The following CHRM2 variants were observed in gnomAD, a reference collection of about 807,000 sequenced individuals.
CHRM2 encodes the protein cholinergic receptor muscarinic 2, also known as muscarinic acetylcholine receptor M2.
CHRM2 carries 8 observed loss-of-function variants against 25.0 expected under a neutral mutation model. The observed-to-expected ratio is 0.32, with a 90% confidence interval of 0.19 to 0.58. The LOEUF is 0.58. Ranked by LOEUF, CHRM2 falls within the 20% of genes least tolerant of loss-of-function variation. The probability of loss-of-function intolerance (pLI) is 0.88; values close to 1 mark genes in which losing one functional copy is unlikely to be tolerated. For synonymous variants in CHRM2, 202 were observed against 205.7 expected, an observed-to-expected ratio of 0.98 and a Z score of 0.15; for missense variants, 440 against 567.1, an observed-to-expected ratio of 0.78 and a Z score of 2.28.
chr7:136,996,099 T>C (rs1803583959), intron 3 of CHRM2, among the ~76,000 whole-genome samples: 1 of 151,928 alleles, frequency 6.6e-6, no homozygotes, highest in Non-Finnish European at 1.5e-5. Context: ...TAAATGTTTC[T>C]GGAGTGATTT....
intron 2 of CHRM2, among the ~76,000 whole-genome samples, chr7:136,877,716 C>T (rs943191911): frequency 6.6e-6 from 1 of 151,940 alleles, no homozygotes; most frequent in African/African-American, 2.4e-5. Context: ...GGGTATGATA[C>T]CTCCTCTAGG....
In CHRM2 at chr7:136,992,228, C is replaced by G. The variant is rs775345326; in HGVS notation, c.-83C>G. On this transcript the variant is annotated 5_prime_UTR_variant, in exon 3 of 4. Coordinates refer to ENST00000680005, the MANE Select transcript of CHRM2 (RefSeq NM_001006630.2). ...GTACAGGGTCTGGATCTTACCCATTCAAGAGTGTATTCTCAGCACCCAATG... is the reference window on the plus strand; with the variant it reads ...GTACAGGGTCTGGATCTTACCCATTGAAGAGTGTATTCTCAGCACCCAATG... 5.3e-5 allele frequency: 8 copies of G among 152,204 alleles called. No individual in the cohort carries two copies. Among genetic ancestry groups the G allele is most frequent in the Non-Finnish European group, 8.8e-5 (6 of 67,996 alleles). The allele number at this position is 152,204 out of a possible 1,614,324, so 9.4% of individuals were successfully genotyped here. A position where few individuals can be genotyped will look rare whatever the true frequency, so the allele number is the denominator to read the frequency against.
At chr7:136,929,080 A>G (rs1290131863) in intron 2 of CHRM2, among the ~76,000 whole-genome samples, 1 of 152,114 alleles carries the variant, frequency 6.6e-6, no homozygotes, top group Non-Finnish European at 1.5e-5. Context: ...GATCACGTGA[A>G]GGATTTTCCA....
At chr7:137,009,546 A>G (rs1221562505) in intron 3 of CHRM2, among the ~76,000 whole-genome samples, 1 of 152,076 alleles carries the variant, frequency 6.6e-6, no homozygotes, top group East Asian at 1.9e-4. Flanking sequence ...CCAAGGTCCC[A>G]ACTCAATGTT....
intron 2 of CHRM2, among the ~76,000 whole-genome samples, chr7:136,879,347 T>C (rs1204137743): frequency 1.3e-5 from 2 of 151,992 alleles, no homozygotes; most frequent in East Asian, 3.9e-4. Flanking sequence ...TTACTTAACC[T>C]TAACTTCTGC....
At chr7:136,989,835 A>G (rs1303872754) in intron 2 of CHRM2, among the ~76,000 whole-genome samples, 1 of 152,060 alleles carries the variant, frequency 6.6e-6, no homozygotes, top group Non-Finnish European at 1.5e-5. Context: ...CCTTTTTTAG[A>G]ACCTTCATCA....
intron 2 of CHRM2, among the ~76,000 whole-genome samples, chr7:136,919,218 G>A (rs1272480437): frequency 1.3e-5 from 2 of 151,942 alleles, no homozygotes; most frequent in East Asian, 3.9e-4. Flanking sequence ...GTATAGAAGT[G>A]AATTTCCAAA....
rs1049943068 is a variant in CHRM2, at chr7:136,985,521, A to C, written c.-124-6666A>C. 1.5e-4 allele frequency among the ~76,000 whole-genome samples: 22 copies of C among 151,624 alleles called. 1 individual carries two copies. The highest frequency in any genetic ancestry group is 1.9e-4 in the East Asian group (1 of 5,170). On this transcript the variant is annotated intron_variant, in intron 2 of 3. Transcript: ENST00000680005. Reference sequence around the variant, plus strand: ...TTAGACTCCAAAAAAAAAAAAAAAAAAAAAAAACAAAAACACCTCTAATAT... The same window carrying C: ...TTAGACTCCAAAAAAAAAAAAAAAACAAAAAAACAAAAACACCTCTAATAT...
chr7:136,984,340 G>A (rs1396740167), intron 2 of CHRM2, among the ~76,000 whole-genome samples: 6 of 152,188 alleles, frequency 3.9e-5, no homozygotes, highest in South Asian at 2.1e-4. Flanking sequence ...TGCTGGCAGC[G>A]AGAATTTCAA....
At chr7:136,933,099 GT>G (rs1799209008) in intron 2 of CHRM2, among the ~76,000 whole-genome samples, 1 of 151,962 alleles carries the variant, frequency 6.6e-6, no homozygotes, top group Non-Finnish European at 1.5e-5. Context: ...CTCCTACAAA[GT>G]TAAAAACATT....
chr7:136,996,235 C>T lies in CHRM2; in HGVS notation c.-47+3971C>T, dbSNP rs184086142. Among the ~76,000 whole-genome samples, 283 of 151,976 alleles carry T rather than the reference C, an allele frequency of 1.9e-3. 3 individuals are homozygous for T. The highest frequency in any genetic ancestry group is 1.8e-3 in the Non-Finnish European group (121 of 67,920). ...AAAGGAAATTATCATTAAATATTAA[C>T]TTCTTGGGATGGAGAAAGTCTTTTT... On this transcript the variant is annotated intron_variant, in intron 3 of 3. Transcript: ENST00000680005.
intron 2 of CHRM2, among the ~76,000 whole-genome samples, chr7:136,928,441 G>A (rs760062828): frequency 3.3e-5 from 5 of 152,088 alleles, no homozygotes; most frequent in Non-Finnish European, 1.5e-5. Context: ...TAAGAGTGGA[G>A]GTTTGCACAT....
chr7:136,876,345 G>C (rs1319471064), intron 2 of CHRM2, among the ~76,000 whole-genome samples: 1 of 152,132 alleles, frequency 6.6e-6, no homozygotes, highest in Non-Finnish European at 1.5e-5. Context: ...CGTGAGAATA[G>C]AGGCCATATT....
intron 2 of CHRM2, among the ~76,000 whole-genome samples, chr7:136,873,569 C>T (rs780459151): frequency 2.0e-5 from 3 of 152,192 alleles, no homozygotes; most frequent in South Asian, 2.1e-4. Context: ...AAGAAATCAG[C>T]ATTCAGAGGG....
rs187274956 is a variant in CHRM2, at chr7:136,952,157, C to T, written c.-124-40030C>T. Reference sequence around the variant, plus strand: ...GTGCATACGTGGAGAGAGAAAAGAGCTTTGAAGATATCCACAATACCTTTC... The same window carrying T: ...GTGCATACGTGGAGAGAGAAAAGAGTTTTGAAGATATCCACAATACCTTTC... On this transcript the variant is annotated intron_variant, in intron 2 of 3. Transcript: ENST00000680005. Among the ~76,000 whole-genome samples the T allele has an allele frequency of 3.8e-3, 574 of 152,228 alleles. 8 individuals are homozygous for T. The highest frequency in any genetic ancestry group is 0.013 in the African/African-American group (550 of 41,538).
intron 2 of CHRM2, among the ~76,000 whole-genome samples, chr7:136,968,827 T>A (rs1226321210): frequency 1.3e-5 from 2 of 151,418 alleles, no homozygotes; most frequent in African/African-American, 4.8e-5. Flanking sequence ...GAGGACATTA[T>A]GCGGAGTGAA....
intron 2 of CHRM2, among the ~76,000 whole-genome samples, chr7:136,923,107 A>G (rs943752513): frequency 6.6e-6 from 1 of 152,146 alleles, no homozygotes; most frequent in African/African-American, 2.4e-5. Flanking sequence ...GCATTATCAG[A>G]TCATTGTCAT....
chr7:136,959,006 G>T (rs932432317), intron 2 of CHRM2, among the ~76,000 whole-genome samples: 5 of 152,102 alleles, frequency 3.3e-5, no homozygotes, highest in Non-Finnish European at 5.9e-5. Context: ...TTTTAGAGAT[G>T]TCTGAAAAGA....
At chr7:136,993,965 A>G (rs1203582153) in intron 3 of CHRM2, among the ~76,000 whole-genome samples, 1 of 152,072 alleles carries the variant, frequency 6.6e-6, no homozygotes, top group Admixed American at 6.6e-5. Flanking sequence ...AAATAAATAA[A>G]CCGATGTGAC....
Sources: gnomAD v4.1 joint callset for allele counts (sites outside exome capture counted in the v4.1 genomes callset) on GRCh38, gnomAD v4.1.1 for gene constraint, MANE v1.5 for transcripts, NCBI Gene and HGNC (gene_info 2026-07-23, HGNC 2026-07-21) for gene names.